The following MAGI2 variants were observed in gnomAD, a reference collection of about 807,000 sequenced individuals.
The protein encoded by MAGI2 is membrane associated guanylate kinase, WW and PDZ domain containing 2.
MAGI2 carries 35 observed loss-of-function variants against 133.3 expected under a neutral mutation model. The observed-to-expected ratio is 0.26, with a 90% CI of 0.20 to 0.35. The LOEUF (loss-of-function observed/expected upper bound fraction) is 0.35. MAGI2 is among the 10% of genes least tolerant of loss of function. The pLI is 1.00. For missense variants in MAGI2, 1,636 were observed against 1,863.4 expected, an observed-to-expected ratio of 0.88 and a Z score of 2.25; for synonymous variants, 729 against 710.6, an observed-to-expected ratio of 1.03 and a Z score of -0.41.
chr7:78,115,257 T>C (rs1819745397), intron 20 of MAGI2, among the ~76,000 whole-genome samples: 1 of 152,042 alleles, frequency 6.6e-6, no homozygotes, highest in South Asian at 2.1e-4. Flanking sequence ...AGGAGATCCT[T>C]GCATGAACCG....
At chr7:78,862,066 G>A (rs537217792) in intron 2 of MAGI2, among the ~76,000 whole-genome samples, 10 of 152,142 alleles carry the variant, frequency 6.6e-5, no homozygotes, top group Non-Finnish European at 1.5e-4. Context: ...GATTTATCCT[G>A]TGCCACATAT....
At chr7:78,597,366 G>T (rs1804719564) in intron 3 of MAGI2, among the ~76,000 whole-genome samples, 2 of 84,522 alleles carry the variant, frequency 2.4e-5, no homozygotes, top group South Asian at 7.9e-4. Context: ...TAAAATAAAT[G>T]AATTCCTTGG....
chr7:78,032,710 A>G (rs745693676), intron 21 of MAGI2, among the ~76,000 whole-genome samples: 10 of 152,208 alleles, frequency 6.6e-5, no homozygotes, highest in Non-Finnish European at 1.0e-4. Flanking sequence ...AGGTAAGTTA[A>G]GGAGATAGAA....
chr7:78,722,705 A>C (rs1415650145), intron 2 of MAGI2, among the ~76,000 whole-genome samples: 1 of 152,092 alleles, frequency 6.6e-6, no homozygotes, highest in Non-Finnish European at 1.5e-5. Context: ...ACACATACTC[A>C]AAACAACCTC....
At chr7:78,156,822 C>A (rs141829323) in intron 16 of MAGI2, among the ~76,000 whole-genome samples, 3 of 137,160 alleles carry the variant, frequency 2.2e-5, no homozygotes, top group African/African-American at 8.0e-5. Context: ...AAAAAAAAAA[C>A]AAACCCAAAA....
chr7:78,085,962 A>G (rs1455849702), intron 20 of MAGI2, among the ~76,000 whole-genome samples: 1 of 152,190 alleles, frequency 6.6e-6, no homozygotes, highest in East Asian at 1.9e-4. Context: ...GCTTTAGCAA[A>G]GATTTAGGGG....
At chr7:79,026,247 A>G (rs1164555079) in intron 1 of MAGI2, among the ~76,000 whole-genome samples, 3 of 152,202 alleles carry the variant, frequency 2.0e-5, no homozygotes, top group African/African-American at 7.2e-5. Context: ...CCCTGATTAC[A>G]TGCAAAGTTG....
chr7:79,189,322 A>C lies in MAGI2; in HGVS notation c.302-182116T>G, dbSNP rs534585639. 5.3e-5 allele frequency among the ~76,000 whole-genome samples: 8 copies of C among 151,278 alleles called. No individual in the cohort carries two copies. In the East Asian group the frequency reaches 1.6e-3, roughly 29 times the overall value. On this transcript the variant is annotated intron_variant, in intron 1 of 21. Coordinates refer to ENST00000354212, the MANE Select transcript of MAGI2 (RefSeq NM_012301.4). ...TGCCATTTTTATAGGCAAAAAAAAA[A>C]AAAAAAAAAAATGGCACCCTTCTTT... is the stretch of plus-strand genomic sequence containing the variant.
chr7:79,404,172 A>T (rs1033661509), intron 1 of MAGI2, among the ~76,000 whole-genome samples: 1 of 152,096 alleles, frequency 6.6e-6, no homozygotes, highest in Non-Finnish European at 1.5e-5. Flanking sequence ...TTCACTCCTA[A>T]TTTTTCTACC....
At chr7:78,307,757 G>T (rs1367768311) in intron 9 of MAGI2, among the ~76,000 whole-genome samples, 3 of 152,156 alleles carry the variant, frequency 2.0e-5, no homozygotes, top group Admixed American at 6.5e-5. Context: ...TAAGTGCTGA[G>T]TATGTGGGAA....
intron 3 of MAGI2, among the ~76,000 whole-genome samples, chr7:78,604,761 A>C (rs1805622853): frequency 6.6e-6 from 1 of 152,254 alleles, no homozygotes; most frequent in Non-Finnish European, 1.5e-5. Flanking sequence ...ATTGTTGCTA[A>C]TACCAATTGT....
At chr7:78,849,435 A>G (rs975736475) in intron 2 of MAGI2, among the ~76,000 whole-genome samples, 10 of 152,116 alleles carry the variant, frequency 6.6e-5, no homozygotes, top group Admixed American at 1.3e-4. Context: ...TGTACTAAGC[A>G]AATCCACTAA....
At chr7:78,872,821 G>A (rs879687024) in intron 2 of MAGI2, among the ~76,000 whole-genome samples, 6 of 151,104 alleles carry the variant, frequency 4.0e-5, no homozygotes, top group South Asian at 4.1e-4. Flanking sequence ...TTTATGTTAT[G>A]TTATGAGAAT....
intron 2 of MAGI2, among the ~76,000 whole-genome samples, chr7:78,796,317 G>C (rs552741549): frequency 3.9e-5 from 6 of 152,128 alleles, no homozygotes; most frequent in African/African-American, 1.4e-4. Context: ...ATTAAAAAAT[G>C]ATCAAAAGAC....
At chr7:78,161,677 AAAAAAAAAAAG>A (rs1825009914) in intron 15 of MAGI2, among the ~76,000 whole-genome samples, 1 of 146,916 alleles carries the variant, frequency 6.8e-6, no homozygotes, top group Non-Finnish European at 1.5e-5. Flanking sequence ...TAAAAAAAAA[AAAAAAAAAAAG>A]AAAAAAAAAA....
intron 2 of MAGI2, among the ~76,000 whole-genome samples, chr7:78,792,430 C>T (rs12113110): frequency 0.015 from 2,215 of 152,150 alleles, 47 homozygotes; most frequent in African/African-American, 0.051. Flanking sequence ...ACAATAGCAC[C>T]GCTATAGAGA....
chr7:78,376,873 A>G (rs990502875), intron 6 of MAGI2, among the ~76,000 whole-genome samples: 1 of 152,258 alleles, frequency 6.6e-6, no homozygotes, highest in Admixed American at 6.5e-5. Context: ...AAGCGGCATT[A>G]CAAGGTCAAA....
chr7:79,407,386 C>T (rs969594137), intron 1 of MAGI2, among the ~76,000 whole-genome samples: 1 of 152,156 alleles, frequency 6.6e-6, no homozygotes, highest in Non-Finnish European at 1.5e-5. Flanking sequence ...TAATCAGTCC[C>T]TATGGCTCAC....
In MAGI2 at chr7:79,073,231, T is replaced by C. The variant is rs147651698; in HGVS notation, c.302-66025A>G. ...GGAGTATACCAATAAATTCATAAAT[T>C]AACATAAGAATTTAAGTGACTCCTG... is the stretch of plus-strand genomic sequence containing the variant. On this transcript the variant is annotated intron_variant, in intron 1 of 21. Transcript: ENST00000354212. 8.2e-3 allele frequency among the ~76,000 whole-genome samples: 1,251 copies of C among 152,228 alleles called. 24 individuals are homozygous for C. Among genetic ancestry groups the C allele is most frequent in the African/African-American group, 0.029 (1,188 of 41,542 alleles).
Sources: gnomAD v4.1 joint callset for allele counts (sites outside exome capture counted in the v4.1 genomes callset) on GRCh38, gnomAD v4.1.1 for gene constraint, MANE v1.5 for transcripts, NCBI Gene and HGNC (gene_info 2026-07-23, HGNC 2026-07-21) for gene names.